The following KLHDC10 variants were observed in gnomAD, a reference collection of about 807,000 sequenced individuals.
The protein encoded by KLHDC10 is kelch domain containing 10.
KLHDC10 carries 24 observed loss-of-function variants against 56.1 expected under a neutral mutation model. The ratio of observed to expected loss-of-function variants is 0.43; its 90% CI spans 0.31 to 0.60. The LOEUF is 0.60. KLHDC10 is among the 20% of genes least tolerant of loss of function. KLHDC10 has a pLI of 0.11. For missense variants in KLHDC10, 349 were observed against 567.0 expected (o/e 0.62, Z 3.91); for synonymous variants, 188 against 207.1 (o/e 0.91, Z 0.79).
At chr7:130,072,278 T>C (rs1001086205) in intron 1 of KLHDC10, among the ~76,000 whole-genome samples, 2 of 152,312 alleles carry the variant, frequency 1.3e-5, no homozygotes, top group Admixed American at 1.3e-4. Flanking sequence ...GGGCTTCAAG[T>C]AGGCATTCCT....
At chr7:130,099,638 G>C (rs983793075) in intron 2 of KLHDC10, among the ~76,000 whole-genome samples, 15 of 152,122 alleles carry the variant, frequency 9.9e-5, no homozygotes, top group Non-Finnish European at 1.6e-4. Context: ...AACAGGACAT[G>C]GTGTTTTTAG....
chr7:130,078,446 A>G (rs1795547815), intron 1 of KLHDC10, among the ~76,000 whole-genome samples: 1 of 152,146 alleles, frequency 6.6e-6, no homozygotes, highest in Non-Finnish European at 1.5e-5. Context: ...GCTGATCTCA[A>G]ACTCCTGGGC....
intron 1 of KLHDC10, among the ~76,000 whole-genome samples, chr7:130,096,358 C>T (rs1795847412): frequency 6.6e-6 from 1 of 152,118 alleles, no homozygotes; most frequent in Non-Finnish European, 1.5e-5. Flanking sequence ...TGAGCCCCTT[C>T]CCTCCCTTCC....
In KLHDC10 at chr7:130,132,114, C is replaced by A. The variant is rs1380646962; in HGVS notation, c.*1368C>A. On this transcript the variant is annotated 3_prime_UTR_variant, in exon 10 of 10. Coordinates refer to ENST00000335420, the MANE Select transcript of KLHDC10 (RefSeq NM_014997.4). ...TGACATAAATTTTCACTCGCTTTGC[C>A]ATCTGGCTGCTAGGGGAGCTGAGCA... 6.6e-6 allele frequency: 1 copy of A among 151,816 alleles called. No individual in the cohort carries two copies. Among genetic ancestry groups the A allele is most frequent in the Non-Finnish European group, 1.5e-5 (1 of 67,986 alleles). 9.4% of individuals were successfully genotyped at this position (151,816 alleles called of 1,614,324 possible). A position where few individuals can be genotyped will look rare whatever the true frequency, so the allele number is the denominator to read the frequency against.
chr7:130,126,465 C>G (rs1269482502), intron 7 of KLHDC10, among the ~76,000 whole-genome samples: 2 of 151,578 alleles, frequency 1.3e-5, no homozygotes, highest in African/African-American at 2.4e-5. Flanking sequence ...CCTTTGAGGT[C>G]AGGAGTTCGA....
intron 2 of KLHDC10, among the ~76,000 whole-genome samples, chr7:130,113,746 A>G (rs1357095196): frequency 6.6e-6 from 1 of 152,212 alleles, no homozygotes; most frequent in East Asian, 1.9e-4. Flanking sequence ...TTGGCAATAA[A>G]CTTATAACAT....
chr7:130,089,876 A>G (rs1435308970), intron 1 of KLHDC10, among the ~76,000 whole-genome samples: 2 of 151,968 alleles, frequency 1.3e-5, no homozygotes, highest in Admixed American at 6.6e-5. Flanking sequence ...CTCTGATTCA[A>G]TAGTTTTCAT....
chr7:130,089,793 T>A (rs1163456034), intron 1 of KLHDC10, among the ~76,000 whole-genome samples: 1 of 152,184 alleles, frequency 6.6e-6, no homozygotes, highest in Non-Finnish European at 1.5e-5. Context: ...TCTTTATAGA[T>A]CCTGAATTGT....
chr7:130,102,775 G>C (rs1795950208), intron 2 of KLHDC10, among the ~76,000 whole-genome samples: 1 of 152,114 alleles, frequency 6.6e-6, no homozygotes, highest in African/African-American at 2.4e-5. Flanking sequence ...GCAGTGAGAT[G>C]AGATCGCGCC....
At chr7:130,108,572 A>AAAAAAT (rs1405437913) in intron 2 of KLHDC10, among the ~76,000 whole-genome samples, 14,504 of 143,732 alleles carry the variant, frequency 0.1, 968 homozygotes, top group East Asian at 0.26. Flanking sequence ...AAAAAAAAAA[A>AAAAAAT]AGCTGGGCGT....
At chr7:130,106,766 C>G (rs542451808) in intron 2 of KLHDC10, among the ~76,000 whole-genome samples, 1 of 151,914 alleles carries the variant, frequency 6.6e-6, no homozygotes, top group Non-Finnish European at 1.5e-5. Flanking sequence ...TCTCTTGAGC[C>G]CAAGAGTTGG....
chr7:130,100,426 A>T (rs989805525), intron 2 of KLHDC10, among the ~76,000 whole-genome samples: 10 of 152,206 alleles, frequency 6.6e-5, no homozygotes, highest in Non-Finnish European at 1.3e-4. Flanking sequence ...GGACAATAGG[A>T]CAGTGCCTTT....
At chr7:130,093,346 C>T (rs1350332010) in intron 1 of KLHDC10, among the ~76,000 whole-genome samples, 1 of 152,056 alleles carries the variant, frequency 6.6e-6, no homozygotes, top group East Asian at 1.9e-4. Context: ...GCCTCAGCCT[C>T]CCGAGTAGCC....
intron 2 of KLHDC10, among the ~76,000 whole-genome samples, chr7:130,102,243 C>CA (rs1391422970): frequency 1.3e-5 from 2 of 152,164 alleles, no homozygotes; most frequent in African/African-American, 4.8e-5. Context: ...GACCCACACT[C>CA]AGACAGACCT....
At chr7:130,115,591 T>A (rs1796155748) in intron 2 of KLHDC10, among the ~76,000 whole-genome samples, 1 of 151,492 alleles carries the variant, frequency 6.6e-6, no homozygotes, top group African/African-American at 2.4e-5. Context: ...GGCGGGCACC[T>A]ATAATCCCAG....
intron 1 of KLHDC10, among the ~76,000 whole-genome samples, chr7:130,090,213 C>T (rs1362396531): frequency 6.6e-6 from 1 of 152,004 alleles, no homozygotes; most frequent in Admixed American, 6.6e-5. Context: ...CATATTGGCA[C>T]CATCTTTTTT....
chr7:130,076,035 A>G (rs1362529688), intron 1 of KLHDC10, among the ~76,000 whole-genome samples: 4 of 151,858 alleles, frequency 2.6e-5, no homozygotes, highest in Non-Finnish European at 5.9e-5. Flanking sequence ...TTTTCCATGG[A>G]CCGGGATGGT....
intron 2 of KLHDC10, among the ~76,000 whole-genome samples, chr7:130,107,273 AAAAG>A (rs756824547): frequency 2.0e-5 from 3 of 152,230 alleles, no homozygotes; most frequent in Non-Finnish European, 2.9e-5. Flanking sequence ...GGAAAAAGAA[AAAAG>A]AAGTACACAT....
At chr7:130,079,841 GCTTCCTCCTTCCCTCCCTTCCTCCCTTT>G (rs1563096303) in intron 1 of KLHDC10, among the ~76,000 whole-genome samples, 1 of 106,410 alleles carries the variant, frequency 9.4e-6, no homozygotes, top group Non-Finnish European at 1.8e-5. Context: ...TCCCTTTCTC[GCTTCCTCCTTCCCTCCCTTCCTCCCTTT>G]CTTCCTCCCT....
Sources: gnomAD v4.1 joint callset for allele counts (sites outside exome capture counted in the v4.1 genomes callset) on GRCh38, gnomAD v4.1.1 for gene constraint, MANE v1.5 for transcripts, NCBI Gene and HGNC (gene_info 2026-07-23, HGNC 2026-07-21) for gene names.